HECW2: variants seen among roughly 807,000 people sequenced by gnomAD.
HECW2 encodes the protein HECT, C2 and WW domain containing E3 ubiquitin protein ligase 2, also known as E3 ubiquitin-protein ligase HECW2.
In HECW2, 61 loss-of-function variants were observed where a neutral mutation model predicts 175.2. That is an observed-to-expected ratio of 0.35 (90% CI 0.28 to 0.43). The LOEUF is 0.43. HECW2 is among the 20% of genes least tolerant of loss of function. The pLI is 1.00. For synonymous variants in HECW2, 671 were observed against 731.0 expected, an observed-to-expected ratio of 0.92 and a Z score of 1.32; for missense variants, 1,524 against 2,000.5, an observed-to-expected ratio of 0.76 and a Z score of 4.54.
At chr2:196,452,935 G>C (rs966025298) in intron 1 of HECW2, among the ~76,000 whole-genome samples, 5 of 151,950 alleles carry the variant, frequency 3.3e-5, no homozygotes, top group Non-Finnish European at 5.9e-5. Flanking sequence ...CAAAAAATGA[G>C]ACTAAACCCC....
chr2:196,376,635 T>TAAA (rs33989452), intron 2 of HECW2, among the ~76,000 whole-genome samples: 19 of 133,134 alleles, frequency 1.4e-4, no homozygotes, highest in African/African-American at 5.8e-4. Flanking sequence ...GACTCTGTCA[T>TAAA]AAAAAAAAAA....
intron 2 of HECW2, 92 bp from the exon 3 acceptor site, chr2:196,343,856 A>G: frequency 1.2e-6 from 1 of 836,604 alleles, no homozygotes; most frequent in Non-Finnish European, 2.0e-6. Context: ...AAATGGAAAA[A>G]AGATAAATGA....
intron 1 of HECW2, among the ~76,000 whole-genome samples, chr2:196,570,765 T>C (rs1273761205): frequency 6.6e-6 from 1 of 152,200 alleles, no homozygotes; most frequent in African/African-American, 2.4e-5. Flanking sequence ...TACAAATTAT[T>C]ATTTCTGATT....
At chr2:196,538,956 T>C (rs1040805441) in intron 1 of HECW2, among the ~76,000 whole-genome samples, 2 of 152,082 alleles carry the variant, frequency 1.3e-5, no homozygotes, top group Admixed American at 6.5e-5. Flanking sequence ...TTCCTAAATA[T>C]CCCTGAAAAA....
intron 10 of HECW2, chr2:196,316,612 T>G (rs1691708381): frequency 6.6e-6 from 1 of 152,290 alleles, no homozygotes; most frequent in African/African-American, 2.4e-5. Flanking sequence ...TACACTTCAT[T>G]TGGATTATGA....
chr2:196,491,483 T>TAC (rs1407904501), intron 1 of HECW2, among the ~76,000 whole-genome samples: 2 of 130,686 alleles, frequency 1.5e-5, no homozygotes, highest in Non-Finnish European at 3.1e-5. Context: ...TATATATATA[T>TAC]ATACACATAT....
intron 3 of HECW2, among the ~76,000 whole-genome samples, chr2:196,342,971 T>TAAA (rs1370260707): frequency 9.6e-6 from 1 of 104,560 alleles, no homozygotes; most frequent in East Asian, 2.8e-4. Flanking sequence ...CCATACATTA[T>TAAA]GTATATGTAA....
rs367683245 is a variant in HECW2 at position 196,433,381 on chromosome 2, G to A, written c.43C>T (p.Arg15Ter). 1.9e-6 allele frequency: 3 copies of A among 1,613,964 alleles called. No homozygotes were observed. The highest frequency in any genetic ancestry group is 3.3e-5 in the Admixed American group (2 of 59,994). Reference sequence around the variant, plus strand: ...AATGTGTACCGCATCTGGGGATTTCGACGCCTCACAAAAAGCAGGTGCTCC... The same window carrying A: ...AATGTGTACCGCATCTGGGGATTTCAACGCCTCACAAAAAGCAGGTGCTCC... ...AREHLLFVRR[R>*]NPQMRYTLSP... is the part of the protein sequence containing the mutation. Residue 15 changes from arginine to a stop codon, truncating the protein, a stop_gained, in exon 2 of 29, where the codon CGA becomes TGA. Coordinates refer to ENST00000644978, the MANE Select transcript of HECW2 (RefSeq NM_001348768.2). LOFTEE classifies it high-confidence loss of function.
At chr2:196,385,069 A>G (rs1352821669) in intron 2 of HECW2, among the ~76,000 whole-genome samples, 1 of 151,942 alleles carries the variant, frequency 6.6e-6, no homozygotes, top group Non-Finnish European at 1.5e-5. Context: ...GGCACCAGTT[A>G]CCATGTCCAG....
At chr2:196,320,304 A>G in intron 8 of HECW2, 35 bp downstream of exon 8, 1 of 1,247,890 alleles carries the variant, frequency 8.0e-7, no homozygotes, top group East Asian at 2.4e-5. Context: ...TTTTTCCTAT[A>G]GCAATGTATT....
At chr2:196,414,885 GGT>G (rs1695211917) in intron 2 of HECW2, among the ~76,000 whole-genome samples, 1 of 152,206 alleles carries the variant, frequency 6.6e-6, no homozygotes, top group African/African-American at 2.4e-5. Flanking sequence ...GGAGTCTTCA[GGT>G]GTGGGTCGGA....
At chr2:196,503,466 C>T (rs561848891) in intron 1 of HECW2, among the ~76,000 whole-genome samples, 15 of 152,196 alleles carry the variant, frequency 9.9e-5, no homozygotes, top group Non-Finnish European at 1.2e-4. Flanking sequence ...AGTCAAGAGC[C>T]GCATTGAGAG....
At chr2:196,420,344 C>T (rs910056957) in intron 2 of HECW2, among the ~76,000 whole-genome samples, 9 of 152,140 alleles carry the variant, frequency 5.9e-5, no homozygotes, top group South Asian at 2.1e-4. Flanking sequence ...AAACAATTGA[C>T]GGAAAAAAAT....
At chr2:196,341,933 T>C (rs1450861534) in intron 3 of HECW2, among the ~76,000 whole-genome samples, 1 of 152,208 alleles carries the variant, frequency 6.6e-6, no homozygotes, top group Non-Finnish European at 1.5e-5. Context: ...AAAGATATGC[T>C]TGTGGCAGGT....
intron 1 of HECW2, among the ~76,000 whole-genome samples, chr2:196,539,206 C>T (rs1559165743): frequency 6.6e-6 from 1 of 152,058 alleles, no homozygotes; most frequent in African/African-American, 2.4e-5. Flanking sequence ...ATCACTTAAC[C>T]TCTCAGGCTC....
chr2:196,324,938 C>T, intron 6 of HECW2, 42 bp downstream of exon 6: 2 of 1,491,478 alleles, frequency 1.3e-6, no homozygotes, highest in Non-Finnish European at 1.8e-6. Flanking sequence ...ACTGGGCTGA[C>T]TTCCTCACCA....
At chr2:196,528,738 G>A (rs1358399) in intron 1 of HECW2, among the ~76,000 whole-genome samples, 52,231 of 152,096 alleles carry the variant, frequency 0.34, 12,206 homozygotes, top group African/African-American at 0.67. Context: ...TCTTTTCCTA[G>A]TTCTAATAAA....
chr2:196,525,997 G>A lies in HECW2; in HGVS notation c.-36+67511C>T, dbSNP rs1400008978. Among the ~76,000 whole-genome samples, 15 of 86,970 alleles carry A rather than the reference G, an allele frequency of 1.7e-4. No individual in the cohort carries two copies. In the East Asian group the frequency reaches 4.2e-3, roughly 25 times the overall value. 57.1% of individuals were successfully genotyped at this position (86,970 alleles called of 152,430 possible). ...CGAGGAGTATCTTTGTGGCGTTCTC[G>A]GTATTTCCTGAATCTGAACGTTGGC... On this transcript the variant is annotated intron_variant, in intron 1 of 28. Coordinates refer to ENST00000644978, the MANE Select transcript of HECW2 (RefSeq NM_001348768.2).
chr2:196,563,412 A>G (rs1690073178), intron 1 of HECW2, among the ~76,000 whole-genome samples: 1 of 152,114 alleles, frequency 6.6e-6, no homozygotes, highest in Admixed American at 6.5e-5. Flanking sequence ...CTAAAAATTG[A>G]AAAATTAGCC....
Sources: allele counts gnomAD v4.1 joint callset (sites outside exome capture counted in the v4.1 genomes callset), GRCh38; gene constraint gnomAD v4.1.1; transcripts MANE v1.5; gene names NCBI Gene and HGNC (gene_info 2026-07-23, HGNC 2026-07-21).